TBCE: variants seen among roughly 807,000 people sequenced by gnomAD.
TBCE encodes tubulin-specific chaperone E.
Under a neutral mutation model 77.0 loss-of-function variants are expected in TBCE, and 53 were observed. The ratio of observed to expected loss-of-function variants is 0.69; its 90% CI spans 0.55 to 0.87. The LOEUF (loss-of-function observed/expected upper bound fraction) is 0.87. Among genes scored for constraint, TBCE ranks in the 40% least tolerant of loss-of-function variants. The pLI is 0.00. For synonymous variants in TBCE, 235 were observed against 241.3 expected (o/e 0.97, Z 0.24); for missense variants, 624 against 622.4 (o/e 1.00, Z -0.03).
chr1:235,393,933 C>T (rs1678561942), intron 2 of TBCE, among the ~76,000 whole-genome samples: 1 of 152,020 alleles, frequency 6.6e-6, no homozygotes, highest in South Asian at 2.1e-4. Context: ...GACAGACACA[C>T]CGTGGTATTT....
intron 15 of TBCE, among the ~76,000 whole-genome samples, chr1:235,443,755 A>G (rs907937485): frequency 6.6e-6 from 1 of 152,176 alleles, no homozygotes; most frequent in Non-Finnish European, 1.5e-5. Context: ...TGCTCTTTTA[A>G]TGGACACCCT....
intron 2 of TBCE, among the ~76,000 whole-genome samples, chr1:235,397,196 A>G (rs1572357181): frequency 2.3e-5 from 3 of 132,070 alleles, no homozygotes; most frequent in Admixed American, 8.4e-5. Context: ...GATGGTCTCA[A>G]TCTCTTTTTT....
intron 7 of TBCE, among the ~76,000 whole-genome samples, chr1:235,432,077 G>A (rs1272333228): frequency 6.6e-6 from 1 of 151,792 alleles, no homozygotes; most frequent in African/African-American, 2.4e-5. Flanking sequence ...TCCGTCTCCT[G>A]GGTTCAAGCA....
chr1:235,397,441 G>A (rs1445249588), intron 2 of TBCE, among the ~76,000 whole-genome samples: 1 of 152,120 alleles, frequency 6.6e-6, no homozygotes, highest in Non-Finnish European at 1.5e-5. Flanking sequence ...TCCTGACCTC[G>A]TGACCTTGTG....
At chr1:235,398,217 C>T (rs1476192166) in intron 2 of TBCE, among the ~76,000 whole-genome samples, 1 of 149,942 alleles carries the variant, frequency 6.7e-6, no homozygotes, top group Admixed American at 6.7e-5. Flanking sequence ...GCGATCTTGG[C>T]TCACTGCAAC....
intron 5 of TBCE, among the ~76,000 whole-genome samples, chr1:235,422,177 A>T (rs917770024): frequency 1.3e-5 from 2 of 152,236 alleles, no homozygotes; most frequent in Non-Finnish European, 2.9e-5. Context: ...GTGTCAGAGC[A>T]TTCTGCATTC....
intron 3 of TBCE, among the ~76,000 whole-genome samples, chr1:235,408,314 CT>C (rs1362902528): frequency 6.6e-6 from 1 of 152,098 alleles, no homozygotes; most frequent in African/African-American, 2.4e-5. Context: ...AAAGAAAGCC[CT>C]TGATTTATTC....
chr1:235,372,465 T>C (rs1159395236), intron 1 of TBCE, among the ~76,000 whole-genome samples: 1 of 152,194 alleles, frequency 6.6e-6, no homozygotes, highest in Non-Finnish European at 1.5e-5. Context: ...CTGTTTTCTT[T>C]GGAGTTGTAA....
chr1:235,407,173 A>C (rs2102868255), intron 3 of TBCE, among the ~76,000 whole-genome samples: 1 of 140,670 alleles, frequency 7.1e-6, no homozygotes, highest in East Asian at 2.0e-4. Flanking sequence ...TTGCTCTGTC[A>C]CCCAGGTAGT....
intron 7 of TBCE, 38 bp from the exon 8 acceptor site, chr1:235,434,166 C>CA: frequency 6.2e-7 from 1 of 1,603,848 alleles, no homozygotes; most frequent in African/African-American, 1.3e-5. Context: ...AAACAGCCAG[C>CA]AGAGGCCGCC....
chr1:235,425,161 T>C (rs1221404114), intron 5 of TBCE, among the ~76,000 whole-genome samples: 1 of 152,172 alleles, frequency 6.6e-6, no homozygotes, highest in Admixed American at 6.5e-5. Context: ...GGATGTCTCA[T>C]AGCCATCATA....
chr1:235,386,908 T>G lies in TBCE; in HGVS notation c.100+6759T>G, dbSNP rs565853997. ...TAGAGTTTCCAGTTTTTCTGCTCTGTTTTTTCCCCATCTTTGTGGTTTTAT... is the reference window on the plus strand; with the variant it reads ...TAGAGTTTCCAGTTTTTCTGCTCTGGTTTTTCCCCATCTTTGTGGTTTTAT... On this transcript the variant is annotated intron_variant, in intron 2 of 16. Transcript: ENST00000642610. Among the ~76,000 whole-genome samples the G allele has an allele frequency of 3.3e-4, 50 of 152,234 alleles. No individual in the cohort carries two copies. In the South Asian group the frequency reaches 0.01, roughly 31 times the overall value.
chr1:235,400,788 G>A (rs367776163), intron 2 of TBCE, among the ~76,000 whole-genome samples: 36 of 151,182 alleles, frequency 2.4e-4, no homozygotes, highest in Non-Finnish European at 4.4e-4. Flanking sequence ...TCCGCCTCCC[G>A]GGTTCAAGTG....
At position 235,402,304 on chromosome 1, in the gene TBCE, C is replaced by T. The variant is rs375710520; in HGVS notation, c.185+717C>T. Among the ~76,000 whole-genome samples the T allele has an allele frequency of 5.0e-4, 76 of 152,008 alleles. 1 individual carries two copies. The highest frequency in any genetic ancestry group is 1.5e-3 in the African/African-American group (61 of 41,490). ...GTCCCGAACTCCTGACCTTGTGATC[C>T]GCCCGCCTCAGCCTCCCAAAATGCT... is the stretch of plus-strand genomic sequence containing the variant. On this transcript the variant is annotated intron_variant, in intron 3 of 16. Transcript: ENST00000642610.
In TBCE at chr1:235,434,300, A is replaced by C. The variant is rs763917646; in HGVS notation, c.737+20A>C. ...CGAAAGGTAACTAGCACTTACTTAA[A>C]TGCATCTATCCCCATTTAATCATCA... On this transcript the variant is annotated intron_variant, in intron 8 of 16. Coordinates refer to ENST00000642610, the MANE Select transcript of TBCE (RefSeq NM_003193.5). 2.5e-6 allele frequency: 4 copies of C among 1,585,172 alleles called. No individual in the cohort carries two copies. In the South Asian group the frequency reaches 3.3e-5, roughly 13 times the overall value.
chr1:235,430,644 A>G (rs1043986217), intron 6 of TBCE, 61 bp from the exon 7 acceptor site: 5 of 1,213,748 alleles, frequency 4.1e-6, no homozygotes, highest in South Asian at 1.3e-5. Context: ...GCTTTCAACA[A>G]CTATTTCAGT....
chr1:235,428,277 T>C (rs980815192), intron 6 of TBCE, among the ~76,000 whole-genome samples: 4 of 152,132 alleles, frequency 2.6e-5, no homozygotes, highest in African/African-American at 9.7e-5. Context: ...TGAGCCGAGA[T>C]TGTGCCACTG....
chr1:235,370,837 G>A (rs1356519905), intron 1 of TBCE, among the ~76,000 whole-genome samples: 2 of 147,774 alleles, frequency 1.4e-5, no homozygotes, highest in Non-Finnish European at 3.0e-5. Flanking sequence ...CGCCTCCCGG[G>A]TTCAAGCGAT....
intron 2 of TBCE, among the ~76,000 whole-genome samples, chr1:235,385,266 T>C (rs1677928757): frequency 1.3e-5 from 2 of 152,116 alleles, no homozygotes; most frequent in African/African-American, 4.8e-5. Flanking sequence ...ATAGGTGTGG[T>C]GTGGTGCTGA....
Sources: gnomAD v4.1 joint callset for allele counts (sites outside exome capture counted in the v4.1 genomes callset) on GRCh38, gnomAD v4.1.1 for gene constraint, MANE v1.5 for transcripts, NCBI Gene and HGNC (gene_info 2026-07-23, HGNC 2026-07-21) for gene names.